Variants in HPSE2 observed in about 807,000 individuals in gnomAD.
The protein encoded by HPSE2 is heparanase 2 (inactive).
Under a neutral mutation model 60.5 loss-of-function variants are expected in HPSE2, and 38 were observed. The observed-to-expected ratio is 0.63, with a 90% CI of 0.48 to 0.82. The LOEUF (loss-of-function observed/expected upper bound fraction) is 0.82. HPSE2 is among the 40% of genes least tolerant of loss of function. The pLI is 0.00. For missense variants in HPSE2, 713 were observed against 740.4 expected, an observed-to-expected ratio of 0.96 and a Z score of 0.43; for synonymous variants, 295 against 293.2, an observed-to-expected ratio of 1.01 and a Z score of -0.06.
intron 9 of HPSE2, among the ~76,000 whole-genome samples, chr10:98,572,506 C>G (rs1164158020): frequency 2.6e-5 from 4 of 152,100 alleles, no homozygotes; most frequent in Admixed American, 2.6e-4. Context: ...TTACGGATGC[C>G]TGGGGTTGGA....
At chr10:99,055,646 A>G (rs913816501) in intron 3 of HPSE2, among the ~76,000 whole-genome samples, 2 of 152,176 alleles carry the variant, frequency 1.3e-5, no homozygotes, top group African/African-American at 4.8e-5. Flanking sequence ...CCACAAAATT[A>G]AATTGAAAAT....
intron 3 of HPSE2, among the ~76,000 whole-genome samples, chr10:98,904,896 A>G (rs1203443826): frequency 2.6e-5 from 4 of 152,254 alleles, no homozygotes; most frequent in African/African-American, 9.6e-5. Flanking sequence ...AGTGTAATAT[A>G]CCAGAGTGAA....
chr10:98,589,734 A>G (rs527494831), intron 9 of HPSE2, among the ~76,000 whole-genome samples: 1 of 152,262 alleles, frequency 6.6e-6, no homozygotes, highest in East Asian at 1.9e-4. Flanking sequence ...TGCTCTCCCT[A>G]AAAGTATTTG....
chr10:98,511,603 T>TGTGTGTGTGCGCAC (rs1215168268), intron 9 of HPSE2, among the ~76,000 whole-genome samples: 1 of 149,112 alleles, frequency 6.7e-6, no homozygotes, highest in Non-Finnish European at 1.5e-5. Flanking sequence ...TGTGTTTGTG[T>TGTGTGTGTGCGCAC]GTGTGTGTGC....
At chr10:98,846,943 G>A (rs868510657) in intron 3 of HPSE2, among the ~76,000 whole-genome samples, 16 of 152,202 alleles carry the variant, frequency 1.1e-4, no homozygotes, top group African/African-American at 3.9e-4. Context: ...ATTATTCTGT[G>A]CAAATCAGAG....
At position 98,482,631 on chromosome 10, in the gene HPSE2, C is replaced by A. The variant is rs374135411; in HGVS notation, c.1613+5G>T. 1.2e-6 allele frequency: 2 copies of A among 1,614,104 alleles called. No homozygotes were observed. The highest frequency in any genetic ancestry group is 2.2e-5 in the South Asian group (2 of 91,080). ...CTCCCGAGCTATTTTCAGGTTGGCA[C>A]GTACTTGGACTTTAGGCCCTCCTGC... is the stretch of plus-strand genomic sequence containing the variant. On this transcript the variant is annotated splice_donor_5th_base_variant and intron_variant, in intron 11 of 11. Transcript: ENST00000370552.
chr10:98,511,319 T>G (rs1264526460), intron 9 of HPSE2, among the ~76,000 whole-genome samples: 1 of 151,878 alleles, frequency 6.6e-6, no homozygotes, highest in East Asian at 1.9e-4. Context: ...TCTGGCTAAT[T>G]TTTTGTATTT....
At chr10:98,942,953 T>C (rs913555301) in intron 3 of HPSE2, among the ~76,000 whole-genome samples, 36 of 151,236 alleles carry the variant, frequency 2.4e-4, no homozygotes, top group Non-Finnish European at 4.3e-4. Context: ...AAATTGGAAA[T>C]CATCATTCTC....
intron 3 of HPSE2, among the ~76,000 whole-genome samples, chr10:98,956,131 CA>C (rs968145724): frequency 6.6e-6 from 1 of 151,942 alleles, no homozygotes; most frequent in Non-Finnish European, 1.5e-5. Context: ...AAAACAAAAA[CA>C]AAAAGTAATT....
At chr10:98,618,477 G>T (rs1418179258) in intron 8 of HPSE2, among the ~76,000 whole-genome samples, 2 of 152,080 alleles carry the variant, frequency 1.3e-5, no homozygotes, top group African/African-American at 4.8e-5. Flanking sequence ...CCATTCCTCT[G>T]CTGATTCCAA....
chr10:99,291,314 G>A, the HPSE2 span, among the ~76,000 whole-genome samples: 29 of 152,294 alleles, frequency 1.9e-4, no homozygotes, highest in African/African-American at 6.7e-4. Context: ...GGCCAGATGC[G>A]GTGGCTCACG....
intron 9 of HPSE2, among the ~76,000 whole-genome samples, chr10:98,530,976 T>G (rs1460617383): frequency 6.6e-6 from 1 of 152,160 alleles, no homozygotes; most frequent in Non-Finnish European, 1.5e-5. Context: ...CTCCCCTCCC[T>G]GCCTGCCTGG....
chr10:99,228,286 A>C lies in HPSE2; in HGVS notation c.448+4062T>G, dbSNP rs533901825. ...TGAAATGTGAAAGGTTTTGAATGTCAGGTTGAGGAGTTTGAACATATTATG... is the reference window on the plus strand; with the variant it reads ...TGAAATGTGAAAGGTTTTGAATGTCCGGTTGAGGAGTTTGAACATATTATG... On this transcript the variant is annotated intron_variant, in intron 2 of 11. Transcript: ENST00000370552. 2.6e-5 allele frequency among the ~76,000 whole-genome samples: 4 copies of C among 152,324 alleles called. No homozygotes were observed. In the East Asian group the frequency reaches 7.7e-4, roughly 29 times the overall value.
At chr10:98,907,235 TAG>T (rs1394819192) in intron 3 of HPSE2, among the ~76,000 whole-genome samples, 2 of 152,208 alleles carry the variant, frequency 1.3e-5, no homozygotes, top group Admixed American at 6.5e-5. Context: ...GGACAAATTA[TAG>T]AGTCTTTTTG....
Position 98,714,678 on chromosome 10 carries a change from G to A in HPSE2, c.956+6979C>T, listed in dbSNP as rs140164791. Among the ~76,000 whole-genome samples, 409 of 151,898 alleles carry A rather than the reference G, an allele frequency of 2.7e-3. 2 individuals are homozygous for A. Among genetic ancestry groups the A allele is most frequent in the Middle Eastern group, 0.01 (3 of 294 alleles). On this transcript the variant is annotated intron_variant, in intron 5 of 11. Coordinates refer to ENST00000370552, the MANE Select transcript of HPSE2 (RefSeq NM_021828.5). The stretch of plus-strand genomic sequence containing the variant: ...TGAATATTTGCGTACAAGTTTTTGT[G>A]TGGATATATGTTTTTATTTCTCTTA...
chr10:99,273,551 G>T, the HPSE2 span, among the ~76,000 whole-genome samples: 2 of 152,084 alleles, frequency 1.3e-5, no homozygotes, highest in African/African-American at 4.8e-5. Context: ...GAGAAAATTG[G>T]GTTCTAAATC....
chr10:98,765,251 A>G (rs1439163129), intron 3 of HPSE2, among the ~76,000 whole-genome samples: 1 of 152,174 alleles, frequency 6.6e-6, no homozygotes, highest in African/African-American at 2.4e-5. Context: ...GACAGACCAT[A>G]TTCTGGGCCA....
chr10:98,797,711 G>T (rs1433328877), intron 3 of HPSE2, among the ~76,000 whole-genome samples: 2 of 152,020 alleles, frequency 1.3e-5, no homozygotes, highest in Non-Finnish European at 2.9e-5. Context: ...GAGCGTGGTG[G>T]TGGGCGTCTG....
At chr10:98,642,483 T>C (rs970723741) in intron 6 of HPSE2, among the ~76,000 whole-genome samples, 1 of 152,200 alleles carries the variant, frequency 6.6e-6, no homozygotes, top group Admixed American at 6.5e-5. Flanking sequence ...TACCAAAATA[T>C]GCTGTGGTTG....
Sources: gnomAD v4.1 joint callset for allele counts (sites outside exome capture counted in the v4.1 genomes callset) on GRCh38, gnomAD v4.1.1 for gene constraint, MANE v1.5 for transcripts, NCBI Gene and HGNC (gene_info 2026-07-23, HGNC 2026-07-21) for gene names.